The following PARD3B variants were observed in gnomAD, a reference collection of about 807,000 sequenced individuals.
PARD3B encodes partitioning defective 3 homolog B.
Under a neutral mutation model 130.2 loss-of-function variants are expected in PARD3B, and 103 were observed. The observed-to-expected ratio is 0.79, with a 90% CI of 0.67 to 0.93. The LOEUF (loss-of-function observed/expected upper bound fraction) is 0.93. PARD3B is among the 40% of genes least tolerant of loss of function. The pLI, the probability that PARD3B is intolerant of heterozygous loss-of-function variation, is 0.00. For missense variants in PARD3B, 1,609 were observed against 1,499.2 expected (o/e 1.07, Z -1.21); for synonymous variants, 583 against 553.2 (o/e 1.05, Z -0.76).
intron 18 of PARD3B, among the ~76,000 whole-genome samples, chr2:205,314,378 C>T (rs2042491369): frequency 6.6e-6 from 1 of 152,160 alleles, no homozygotes. Context: ...GTGTCAGCAT[C>T]TAAAAATGCA....
intron 2 of PARD3B, among the ~76,000 whole-genome samples, chr2:204,846,323 G>A (rs1235553429): frequency 6.6e-6 from 1 of 151,980 alleles, no homozygotes; most frequent in Non-Finnish European, 1.5e-5. Context: ...AGCCTTTTTG[G>A]TAGGATAGTT....
chr2:204,823,409 T>C (rs12614659), intron 2 of PARD3B, among the ~76,000 whole-genome samples: 18,130 of 151,750 alleles, frequency 0.12, 1,307 homozygotes, highest in East Asian at 0.25. Context: ...AAAAAATGAG[T>C]GTCATTTATG....
intron 21 of PARD3B, among the ~76,000 whole-genome samples, chr2:205,519,538 T>A (rs754733856): frequency 6.6e-6 from 1 of 152,238 alleles, no homozygotes; most frequent in Non-Finnish European, 1.5e-5. Flanking sequence ...TGAATCTCGA[T>A]GATCTTCATT....
rs2038794457 is a variant in PARD3B, at chr2:205,230,728, C to A, written c.2141-15050C>A. ...GCCCAGTAATTGCAGTCCTTAGGGC[C>A]TAGACTACCTTTCAAGTCTGTTTAG... On this transcript the variant is annotated intron_variant, in intron 15 of 22. Coordinates refer to ENST00000406610, the MANE Select transcript of PARD3B (RefSeq NM_001302769.2). The surrounding 1 kb of genome is among the most constrained non-coding windows in gnomAD (Gnocchi z 4.1). Among the ~76,000 whole-genome samples the A allele has an allele frequency of 6.6e-6, 1 of 152,132 alleles. No individual in the cohort carries two copies. Among genetic ancestry groups the A allele is most frequent in the Non-Finnish European group, 1.5e-5 (1 of 68,024 alleles).
intron 15 of PARD3B, among the ~76,000 whole-genome samples, chr2:205,197,032 G>GGGGTGTGTGT (rs1553636919): frequency 1.8e-5 from 1 of 55,260 alleles, no homozygotes. Context: ...GTGGGGGGGG[G>GGGGTGTGTGT]GTGTGTGTGT....
chr2:205,283,410 G>T (rs1283633323), intron 16 of PARD3B, among the ~76,000 whole-genome samples: 1 of 152,124 alleles, frequency 6.6e-6, no homozygotes, highest in Non-Finnish European at 1.5e-5. Flanking sequence ...TCAGCCTCCT[G>T]AGTAGCTGGG....
intron 2 of PARD3B, among the ~76,000 whole-genome samples, chr2:204,866,500 T>C (rs1039349045): frequency 1.3e-5 from 2 of 152,086 alleles, no homozygotes; most frequent in African/African-American, 2.4e-5. Context: ...TTCAATAATT[T>C]ATTCATTAAA....
chr2:205,408,957 T>C (rs937907975), intron 19 of PARD3B, among the ~76,000 whole-genome samples: 3 of 152,132 alleles, frequency 2.0e-5, no homozygotes, highest in African/African-American at 7.2e-5. Context: ...AATGCCCCAA[T>C]TTATGGCTCC....
At chr2:204,972,206 A>T (rs1691774778) in intron 3 of PARD3B, among the ~76,000 whole-genome samples, 1 of 152,136 alleles carries the variant, frequency 6.6e-6, no homozygotes, top group Non-Finnish European at 1.5e-5. Context: ...TACAATTTTG[A>T]ATATGCCTGG....
intron 2 of PARD3B, among the ~76,000 whole-genome samples, chr2:204,696,774 A>T (rs1259739705): frequency 6.6e-6 from 1 of 152,082 alleles, no homozygotes; most frequent in Non-Finnish European, 1.5e-5. Context: ...ACTAAACTTA[A>T]TGTTTACTCT....
At chr2:205,143,519 G>A (rs2033134452) in intron 10 of PARD3B, among the ~76,000 whole-genome samples, 1 of 152,134 alleles carries the variant, frequency 6.6e-6, no homozygotes, top group South Asian at 2.1e-4. Flanking sequence ...TAAACTTCTT[G>A]TAATTACACA....
rs1292037111 is a variant in PARD3B, at chr2:205,253,577, C to G, written c.2185+7755C>G. On this transcript the variant is annotated intron_variant, in intron 16 of 22. Transcript: ENST00000406610. The surrounding 1 kb of genome is among the most constrained non-coding windows in gnomAD (Gnocchi z 4.4). The stretch of plus-strand genomic sequence containing the variant: ...GCCTCCCCTGCCTCCTCTGCCTCTT[C>G]AGAGCCCAGCAGAAAGACAGAGAAA... The G allele has an allele frequency of 9.3e-6, 4 of 432,180 alleles. No individual in the cohort carries two copies. The highest frequency in any genetic ancestry group is 1.9e-5 in the Non-Finnish European group (4 of 215,980). 26.8% of individuals were successfully genotyped at this position (432,180 alleles called of 1,614,324 possible).
chr2:205,392,260 T>A lies in PARD3B; in HGVS notation c.2631-8753T>A, dbSNP rs527466198. Among the ~76,000 whole-genome samples the A allele has an allele frequency of 4.7e-4, 71 of 152,334 alleles. 1 individual carries two copies. The South Asian group carries it at 0.014, about 30-fold the overall frequency. On this transcript the variant is annotated intron_variant, in intron 18 of 22. Coordinates refer to ENST00000406610, the MANE Select transcript of PARD3B (RefSeq NM_001302769.2). ...AACGTTATAGGACCTCCCTGCTTTT[T>A]AATCCTAAAAACAAACATCAACATA...
intron 5 of PARD3B, among the ~76,000 whole-genome samples, chr2:205,111,761 A>G (rs1017669419): frequency 1.3e-5 from 2 of 152,086 alleles, no homozygotes; most frequent in East Asian, 3.8e-4. Flanking sequence ...TTTCAGTGCA[A>G]AACTATAAAA....
intron 15 of PARD3B, among the ~76,000 whole-genome samples, chr2:205,205,152 A>T (rs1055978046): frequency 1.3e-5 from 2 of 152,126 alleles, no homozygotes; most frequent in African/African-American, 4.8e-5. Context: ...TTCTCCTTGA[A>T]GAGGTCCTTC....
intron 1 of PARD3B, among the ~76,000 whole-genome samples, chr2:204,647,564 A>G (rs1295208995): frequency 6.6e-6 from 1 of 151,818 alleles, no homozygotes; most frequent in Non-Finnish European, 1.5e-5. Context: ...AAATGGCCAT[A>G]TTGCACTGTC....
chr2:205,369,010 G>A (rs1003969833), intron 18 of PARD3B, among the ~76,000 whole-genome samples: 1 of 152,118 alleles, frequency 6.6e-6, no homozygotes, highest in African/African-American at 2.4e-5. Flanking sequence ...ACTCTAAAAT[G>A]TAAGTTCCTG....
chr2:205,175,101 C>T lies in PARD3B; in HGVS notation c.1792-1344C>T, dbSNP rs187355173. 8.5e-5 allele frequency among the ~76,000 whole-genome samples: 13 copies of T among 152,144 alleles called. No homozygotes were observed. In the East Asian group the frequency reaches 1.7e-3, roughly 20 times the overall value. On this transcript the variant is annotated intron_variant, in intron 12 of 22. Transcript: ENST00000406610. ...GCTGGGACACTAATGGAGGGCTCTG[C>T]GACGGCTCTATTTTACAGGCTGAAT...
intron 16 of PARD3B, among the ~76,000 whole-genome samples, chr2:205,247,410 T>G (rs1001360618): frequency 1.3e-5 from 2 of 152,218 alleles, no homozygotes; most frequent in African/African-American, 2.4e-5. Flanking sequence ...AGTGCAAAAT[T>G]TGAAATAATA....
Sources: gnomAD v4.1 joint callset for allele counts (sites outside exome capture counted in the v4.1 genomes callset) on GRCh38, gnomAD v4.1.1 for gene constraint, Gnocchi (gnomAD v3.1) non-coding constraint, MANE v1.5 for transcripts, NCBI Gene and HGNC (gene_info 2026-07-23, HGNC 2026-07-21) for gene names.